SH3BGRL2: variants seen among roughly 807,000 people sequenced by gnomAD.
The protein encoded by SH3BGRL2 is SH3 domain-binding glutamic acid-rich-like protein 2.
In SH3BGRL2, 21 loss-of-function variants were observed where a neutral mutation model predicts 14.8. The observed-to-expected ratio is 1.42, with a 90% CI of 1.01 to 2.05. SH3BGRL2 has a LOEUF of 2.05. SH3BGRL2 is among the 30% of genes most tolerant of loss of function. The probability of loss-of-function intolerance (pLI) is 0.00; values close to 1 mark genes in which losing one functional copy is unlikely to be tolerated. For missense variants in SH3BGRL2, 147 were observed against 130.8 expected (o/e 1.12, Z -0.61); for synonymous variants, 50 against 47.8 (o/e 1.05, Z -0.19).
chr6:79,633,563 A>G (rs1768865843), intron 1 of SH3BGRL2, among the ~76,000 whole-genome samples: 1 of 152,268 alleles, frequency 6.6e-6, no homozygotes, highest in East Asian at 1.9e-4. Flanking sequence ...ACATGGTTTC[A>G]TTTGAGTTAG....
chr6:79,540,852 A>G, the SH3BGRL2 span, among the ~76,000 whole-genome samples: 1 of 152,224 alleles, frequency 6.6e-6, no homozygotes, highest in African/African-American at 2.4e-5. Context: ...ACTGGAAAAA[A>G]TTAGAACAGT....
the SH3BGRL2 span, among the ~76,000 whole-genome samples, chr6:79,618,397 T>C: frequency 1.3e-5 from 2 of 152,186 alleles, no homozygotes; most frequent in African/African-American, 4.8e-5. Flanking sequence ...TCTTTGGGCA[T>C]TTTTTGGCAA....
At chr6:79,650,740 C>T (rs1769273780) in intron 1 of SH3BGRL2, among the ~76,000 whole-genome samples, 1 of 152,010 alleles carries the variant, frequency 6.6e-6, no homozygotes, top group African/African-American at 2.4e-5. Context: ...CTGCCAAACC[C>T]CACTTCCAAC....
At position 79,678,759 on chromosome 6, in the gene SH3BGRL2, C is replaced by T. The variant is rs531701148; in HGVS notation, c.231+4960C>T. On this transcript the variant is annotated intron_variant, in intron 2 of 3. Coordinates refer to ENST00000369838, the MANE Select transcript of SH3BGRL2 (RefSeq NM_031469.4). ...TAGTACCCAATAGGTAGTTTTTTGA[C>T]GCATATCCCCTTCTGTCACCACTCT... 3.1e-4 allele frequency among the ~76,000 whole-genome samples: 47 copies of T among 152,248 alleles called. No individual in the cohort carries two copies. In the East Asian group the frequency reaches 5.0e-3, roughly 16 times the overall value.
At chr6:79,574,108 A>G in the SH3BGRL2 span, 3 of 152,344 alleles carry the variant, frequency 2.0e-5, no homozygotes, top group South Asian at 6.2e-4. Context: ...AAGTTTATTC[A>G]TGCTTGCAGA....
chr6:79,619,207 C>T, the SH3BGRL2 span, among the ~76,000 whole-genome samples: 1 of 152,094 alleles, frequency 6.6e-6, no homozygotes, highest in Non-Finnish European at 1.5e-5. Flanking sequence ...CTCCTGACCC[C>T]TCTAGGTAAC....
intron 3 of SH3BGRL2, among the ~76,000 whole-genome samples, chr6:79,697,930 G>C (rs1427426419): frequency 6.6e-6 from 1 of 152,174 alleles, no homozygotes; most frequent in Non-Finnish European, 1.5e-5. Context: ...ATTCTTTAGA[G>C]ACTGTGGGCT....
rs144652737 is a variant in SH3BGRL2, at chr6:79,641,845, C to T, written c.45+10339C>T. 1.1e-4 allele frequency among the ~76,000 whole-genome samples: 17 copies of T among 152,212 alleles called. No homozygotes were observed. The East Asian group carries it at 1.3e-3, about 12-fold the overall frequency. On this transcript the variant is annotated intron_variant, in intron 1 of 3. Transcript: ENST00000369838. Reference sequence around the variant, plus strand: ...TACATACTACTTACTAGGCTGAGAACGCATACAGGTATAATTTTAGGAGAG... The same window carrying T: ...TACATACTACTTACTAGGCTGAGAATGCATACAGGTATAATTTTAGGAGAG...
At chr6:79,628,150 C>A (rs865926769), upstream of SH3BGRL2, among the ~76,000 whole-genome samples, 4 of 152,136 alleles carry the variant, frequency 2.6e-5, no homozygotes, top group African/African-American at 2.4e-5. Flanking sequence ...ATCCACCAAT[C>A]TTAATATTTA....
the SH3BGRL2 span, among the ~76,000 whole-genome samples, chr6:79,588,635 TA>T: frequency 6.6e-6 from 1 of 152,200 alleles, no homozygotes; most frequent in African/African-American, 2.4e-5. Flanking sequence ...ATTTATTAAT[TA>T]TTTGAAGTGT....
At chr6:79,563,860 TA>T in the SH3BGRL2 span, among the ~76,000 whole-genome samples, 37 of 152,108 alleles carry the variant, frequency 2.4e-4, no homozygotes, top group South Asian at 4.1e-4. Flanking sequence ...AATTAACTAA[TA>T]AAAAAATTTG....
At chr6:79,588,289 T>TAA in the SH3BGRL2 span, among the ~76,000 whole-genome samples, 63,357 of 123,686 alleles carry the variant, frequency 0.51, 17,187 homozygotes, top group East Asian at 0.91. Context: ...AGACTCTGTC[T>TAA]AAAAAAAAAA....
In SH3BGRL2 at chr6:79,700,943, T is replaced by C. The variant is rs942512832; in HGVS notation, c.*1434T>C. The C allele has an allele frequency of 2.0e-5, 3 of 152,162 alleles. No individual in the cohort carries two copies. Among genetic ancestry groups the C allele is most frequent in the Non-Finnish European group, 4.4e-5 (3 of 68,040 alleles). 9.4% of individuals were successfully genotyped at this position (152,162 alleles called of 1,614,324 possible). A position where few individuals can be genotyped will look rare whatever the true frequency, so the allele number is the denominator to read the frequency against. On this transcript the variant is annotated 3_prime_UTR_variant, in exon 4 of 4. Coordinates refer to ENST00000369838, the MANE Select transcript of SH3BGRL2 (RefSeq NM_031469.4). ...TTCATTATAATTCTGAGCAGGAAAT[T>C]TATAAGAAATTGAAAGAGCAGAAGA... is the stretch of plus-strand genomic sequence containing the variant.
the SH3BGRL2 span, among the ~76,000 whole-genome samples, chr6:79,541,350 TA>T: frequency 5.3e-5 from 8 of 151,598 alleles, no homozygotes; most frequent in Non-Finnish European, 8.8e-5. Flanking sequence ...CTGAATGGCT[TA>T]AAAAAAAAGA....
At chr6:79,672,554 G>GTT (rs1769795183) in intron 1 of SH3BGRL2, among the ~76,000 whole-genome samples, 1 of 151,752 alleles carries the variant, frequency 6.6e-6, no homozygotes, top group African/African-American at 2.4e-5. Flanking sequence ...TTTTTAAGCT[G>GTT]CATACTATTA....
chr6:79,541,863 T>TA, the SH3BGRL2 span, among the ~76,000 whole-genome samples: 34 of 152,248 alleles, frequency 2.2e-4, no homozygotes, highest in Admixed American at 2.2e-3. Flanking sequence ...CTGGTGGGCT[T>TA]GTTTTCACAT....
At chr6:79,666,709 A>G (rs1369272744) in intron 1 of SH3BGRL2, among the ~76,000 whole-genome samples, 1 of 152,164 alleles carries the variant, frequency 6.6e-6, no homozygotes, top group African/African-American at 2.4e-5. Context: ...AAGTTTCGTC[A>G]AGCTGTTTTA....
chr6:79,554,498 G>T, the SH3BGRL2 span, among the ~76,000 whole-genome samples: 2 of 152,164 alleles, frequency 1.3e-5, no homozygotes, highest in Non-Finnish European at 2.9e-5. Context: ...TTATTGAGGA[G>T]TCTGCAATAG....
the SH3BGRL2 span, among the ~76,000 whole-genome samples, chr6:79,554,056 G>C: frequency 6.6e-6 from 1 of 151,824 alleles, no homozygotes; most frequent in Non-Finnish European, 1.5e-5. Context: ...AAATACTACA[G>C]TATTATTCAT....
Sources: allele counts gnomAD v4.1 joint callset (sites outside exome capture counted in the v4.1 genomes callset), GRCh38; gene constraint gnomAD v4.1.1; transcripts MANE v1.5; gene names NCBI Gene and HGNC (gene_info 2026-07-23, HGNC 2026-07-21).